Variants in PLAC1 observed in about 807,000 individuals in gnomAD.
The protein encoded by PLAC1 is placenta-specific protein 1.
For missense variants in PLAC1, 136 were observed against 163.2 expected (o/e 0.83, Z 0.91); for synonymous variants, 68 against 62.1 (o/e 1.09, Z -0.44).
At chrX:134,744,467 C>T (rs2078724710) in intron 1 of PLAC1, among the ~76,000 whole-genome samples, 1 of 111,199 alleles carries the variant, frequency 9.0e-6, no homozygotes, top group African/African-American at 3.3e-5. Context: ...TTCATTTCTC[C>T]AAGCCTCTGT....
intron 2 of PLAC1, among the ~76,000 whole-genome samples, chrX:134,683,395 A>G (rs1323840819): frequency 1.8e-5 from 2 of 111,449 alleles, no homozygotes; most frequent in South Asian, 3.9e-4. Context: ...TAGAGAGGTG[A>G]ATTCCACAAA....
chrX:134,595,896 T>C (rs2078060292), intron 2 of PLAC1, among the ~76,000 whole-genome samples: 2 of 110,605 alleles, frequency 1.8e-5, no homozygotes, highest in African/African-American at 6.6e-5. Flanking sequence ...GATCTAAGTC[T>C]GCCATTTTAT....
At chrX:134,708,281 T>C (rs764960097) in intron 2 of PLAC1, among the ~76,000 whole-genome samples, 2 of 111,648 alleles carry the variant, frequency 1.8e-5, no homozygotes, top group Non-Finnish European at 3.8e-5. Context: ...AATTCGTCAC[T>C]AGCAGACTCG....
At chrX:134,585,948 C>T (rs1302586148) in intron 2 of PLAC1, among the ~76,000 whole-genome samples, 1 of 111,891 alleles carries the variant, frequency 8.9e-6, no homozygotes, top group East Asian at 2.8e-4. Flanking sequence ...CCAAAGGTGC[C>T]CATTGCCATG....
At chrX:134,725,990 G>A (rs1425325572) in intron 2 of PLAC1, among the ~76,000 whole-genome samples, 1 of 111,271 alleles carries the variant, frequency 9.0e-6, no homozygotes, top group East Asian at 2.8e-4. Flanking sequence ...GAGTGAGACT[G>A]TCTCAAAAAA....
At chrX:134,578,348 A>G (rs1364008495) in intron 2 of PLAC1, among the ~76,000 whole-genome samples, 2 of 101,227 alleles carry the variant, frequency 2.0e-5, no homozygotes, top group Non-Finnish European at 2.0e-5. Context: ...GGGAGGCAGA[A>G]CTTGCAGTGA....
intron 1 of PLAC1, among the ~76,000 whole-genome samples, chrX:134,755,846 C>T: frequency 1.0e-5 from 1 of 99,391 alleles, no homozygotes; most frequent in Non-Finnish European, 2.0e-5. Context: ...TTTTCTTTTT[C>T]CTTTTCTTTC....
rs140046491 is a variant in PLAC1 at position 134,667,205 on chromosome X, T to C, written n.175-65083A>G. On this transcript the variant is annotated intron_variant and non_coding_transcript_variant, in intron 2 of 2. Transcript: ENST00000466797. Reference sequence around the variant, plus strand: ...CATGAAAATTAAAAGGCTTTCTGCTTCAAAGCACACAACCAAAAAAGTGAA... The same window carrying C: ...CATGAAAATTAAAAGGCTTTCTGCTCCAAAGCACACAACCAAAAAAGTGAA... 9.6e-4 allele frequency among the ~76,000 whole-genome samples: 108 copies of C among 112,119 alleles called. No individual in the cohort carries two copies. The East Asian group carries it at 0.028, about 29-fold the overall frequency.
intron 2 of PLAC1, among the ~76,000 whole-genome samples, chrX:134,698,116 ACTAT>A (rs1350453764): frequency 9.0e-6 from 1 of 111,345 alleles, no homozygotes; most frequent in Non-Finnish European, 1.9e-5. Context: ...CCATGATTTA[ACTAT>A]CTCTCTATAG....
At chrX:134,616,122 G>A (rs188105290) in intron 1 of PLAC1, among the ~76,000 whole-genome samples, 234 of 110,525 alleles carry the variant, frequency 2.1e-3, no homozygotes, top group Middle Eastern at 4.7e-3. Flanking sequence ...TAGAACTACA[G>A]GCATGCACCA....
intron 2 of PLAC1, among the ~76,000 whole-genome samples, chrX:134,668,534 T>C (rs929134735): frequency 1.8e-5 from 2 of 112,814 alleles, no homozygotes; most frequent in African/African-American, 6.4e-5. Context: ...AGACTTATAA[T>C]TCAGTATTCT....
chrX:134,739,654 C>A (rs1247236078), intron 1 of PLAC1, among the ~76,000 whole-genome samples: 2 of 112,832 alleles, frequency 1.8e-5, no homozygotes, highest in African/African-American at 3.2e-5. Flanking sequence ...GGTGTCCGTG[C>A]CAGAATGGCA....
chrX:134,679,100 C>A (rs1320483353), intron 2 of PLAC1, among the ~76,000 whole-genome samples: 1 of 111,743 alleles, frequency 8.9e-6, no homozygotes, highest in African/African-American at 3.3e-5. Flanking sequence ...TGAAAGAAAA[C>A]ATTTTCTGTA....
At chrX:134,760,534 A>G (rs2078767242) in intron 1 of PLAC1, among the ~76,000 whole-genome samples, 1 of 111,390 alleles carries the variant, frequency 9.0e-6, no homozygotes, top group Non-Finnish European at 1.9e-5. Flanking sequence ...ACTGGAAGCA[A>G]TATGTTTCCT....
intron 1 of PLAC1, among the ~76,000 whole-genome samples, chrX:134,741,489 T>G (rs2147847642): frequency 9.0e-6 from 1 of 111,374 alleles, no homozygotes; most frequent in Non-Finnish European, 1.9e-5. Flanking sequence ...GGATAAGGAA[T>G]AGACATACCC....
chrX:134,586,794 C>T (rs1480153655), intron 2 of PLAC1, among the ~76,000 whole-genome samples: 1 of 104,635 alleles, frequency 9.6e-6, no homozygotes, highest in Non-Finnish European at 2.0e-5. Flanking sequence ...CCTCAGCCTC[C>T]CGAGTAGCTG....
intron 2 of PLAC1, among the ~76,000 whole-genome samples, chrX:134,704,725 G>T (rs1460493373): frequency 9.6e-6 from 1 of 103,745 alleles, no homozygotes; most frequent in Non-Finnish European, 1.9e-5. Flanking sequence ...GGGCGCAGTG[G>T]CTCACACCTG....
chrX:134,612,764 G>A (rs2078159922), intron 1 of PLAC1, among the ~76,000 whole-genome samples: 1 of 111,344 alleles, frequency 9.0e-6, no homozygotes, highest in Admixed American at 9.6e-5. Context: ...TCCTTTTCCA[G>A]CCAGATGAAT....
intron 1 of PLAC1, among the ~76,000 whole-genome samples, chrX:134,636,695 ACC>A: frequency 8.9e-6 from 1 of 112,454 alleles, no homozygotes; most frequent in Admixed American, 9.4e-5. Context: ...TCTCTGACAG[ACC>A]AAGGTCCCTA....
Sources: allele counts gnomAD v4.1 joint callset (sites outside exome capture counted in the v4.1 genomes callset), GRCh38; gene constraint gnomAD v4.1.1; transcripts MANE v1.5; gene names NCBI Gene and HGNC (gene_info 2026-07-23, HGNC 2026-07-21).